The following NCR1 variants were observed in gnomAD, a reference collection of about 807,000 sequenced individuals.
The protein encoded by NCR1 is NK cell-activating receptor.
A neutral mutation model predicts 32.5 loss-of-function variants in NCR1; 30 were observed. That is an observed-to-expected ratio of 0.92 (90% CI 0.69 to 1.25). The LOEUF (loss-of-function observed/expected upper bound fraction) is 1.25, where lower values mean the gene tolerates loss of function less well. Among genes scored for constraint, NCR1 ranks in the 50% most tolerant of loss-of-function variants. The pLI is 0.00. For missense variants in NCR1, 369 were observed against 380.7 expected (o/e 0.97, Z 0.26); for synonymous variants, 169 against 143.4 (o/e 1.18, Z -1.28).
the NCR1 span, chr19:54,936,473 C>T: frequency 8.6e-6 from 13 of 1,515,300 alleles, no homozygotes; most frequent in Non-Finnish European, 9.2e-6. Context: ...GTGATTAATA[C>T]TCACATTGTG....
the NCR1 span, among the ~76,000 whole-genome samples, chr19:54,899,296 A>C: frequency 1.3e-5 from 2 of 152,122 alleles, no homozygotes; most frequent in East Asian, 3.9e-4. Context: ...TAAGGCATTT[A>C]GGTTTTAGGT....
the NCR1 span, among the ~76,000 whole-genome samples, chr19:54,933,118 G>A: frequency 3.3e-5 from 5 of 151,782 alleles, no homozygotes; most frequent in Admixed American, 3.3e-4. Context: ...ATATTAACAT[G>A]TTTCTACCTG....
chr19:54,903,451 T>C (rs976239998), upstream of NCR1, among the ~76,000 whole-genome samples: 49 of 106,736 alleles, frequency 4.6e-4, no homozygotes, highest in South Asian at 2.9e-3. Flanking sequence ...TGTATGTATA[T>C]ACATATATGT....
At chr19:54,904,137 A>G (rs1274541777), upstream of NCR1, among the ~76,000 whole-genome samples, 4 of 142,024 alleles carry the variant, frequency 2.8e-5, no homozygotes, top group Non-Finnish European at 6.2e-5. Context: ...AAAAAAAAAA[A>G]AAAAAAGAAA....
chr19:54,919,722 C>A (rs1329117486), downstream of NCR1, among the ~76,000 whole-genome samples: 2 of 147,434 alleles, frequency 1.4e-5, no homozygotes, highest in South Asian at 2.2e-4. Flanking sequence ...AGACCCCCCC[C>A]CCCACCCGCT....
chr19:54,899,861 C>T, the NCR1 span, among the ~76,000 whole-genome samples: 1,575 of 152,188 alleles, frequency 0.01, 31 homozygotes, highest in African/African-American at 0.036. Context: ...GCTGCCTTCC[C>T]GAGTCCATGA....
the NCR1 span, among the ~76,000 whole-genome samples, chr19:54,900,020 A>G: frequency 6.6e-6 from 1 of 152,188 alleles, no homozygotes; most frequent in South Asian, 2.1e-4. Context: ...AGAAGAGAGT[A>G]AAAAGAGGCT....
At chr19:54,921,155 C>T in the NCR1 span, among the ~76,000 whole-genome samples, 2 of 152,156 alleles carry the variant, frequency 1.3e-5, no homozygotes, top group African/African-American at 2.4e-5. Context: ...AAATTCTACA[C>T]GGGAACTTCA....
At chr19:54,924,713 A>G in the NCR1 span, among the ~76,000 whole-genome samples, 2 of 152,176 alleles carry the variant, frequency 1.3e-5, no homozygotes, top group South Asian at 4.1e-4. Flanking sequence ...AGGCGGGCAG[A>G]TCACCTGAGG....
chr19:54,912,221 A>T lies in NCR1; in HGVS notation c.733+3A>T. ...CACAGAGACGGGACTCCAGAAAGGTAAGTAGACAGCTGGGGCCATAGGCTC... is the reference window on the plus strand; with the variant it reads ...CACAGAGACGGGACTCCAGAAAGGTTAGTAGACAGCTGGGGCCATAGGCTC... On this transcript the variant is annotated splice_donor_region_variant and intron_variant, in intron 6 of 6. Transcript: ENST00000291890. 1 of 1,613,744 alleles carries T rather than the reference A, an allele frequency of 6.2e-7. No homozygotes were observed. The highest frequency in any genetic ancestry group is 8.5e-7 in the Non-Finnish European group (1 of 1,179,674).
At chr19:54,933,611 C>CA in the NCR1 span, 1 of 1,614,236 alleles carries the variant, frequency 6.2e-7, no homozygotes, top group South Asian at 1.1e-5. Flanking sequence ...CAAGCCCTCA[C>CA]ACAGAAACTT....
intron 5 of NCR1, among the ~76,000 whole-genome samples, chr19:54,910,772 G>A (rs1314222763): frequency 6.6e-6 from 1 of 152,108 alleles, no homozygotes; most frequent in East Asian, 1.9e-4. Flanking sequence ...AGACAAAGTA[G>A]AACAGACTTA....
chr19:54,914,409 G>T (rs566960364), downstream of NCR1, among the ~76,000 whole-genome samples: 6 of 152,080 alleles, frequency 3.9e-5, no homozygotes, highest in South Asian at 1.0e-3. Flanking sequence ...TGCAATCTTG[G>T]CTCACTGCCA....
chr19:54,901,737 G>A (rs371831169), upstream of NCR1, among the ~76,000 whole-genome samples: 18 of 152,332 alleles, frequency 1.2e-4, no homozygotes, highest in East Asian at 3.5e-3. Flanking sequence ...GGAGGCTGAG[G>A]CAGGTGGATC....
At chr19:54,936,175 G>A in the NCR1 span, 3 of 1,198,864 alleles carry the variant, frequency 2.5e-6, no homozygotes, top group Non-Finnish European at 3.7e-6. Context: ...ACGGCATCTG[G>A]AGTGGTTACC....
downstream of NCR1, among the ~76,000 whole-genome samples, chr19:54,920,390 C>T (rs74663905): frequency 0.011 from 1,626 of 152,262 alleles, 12 homozygotes; most frequent in South Asian, 0.025. Context: ...GTCCTTGCTA[C>T]GGACTGAATT....
chr19:54,935,721 T>C, the NCR1 span, among the ~76,000 whole-genome samples: 35 of 151,564 alleles, frequency 2.3e-4, no homozygotes, highest in South Asian at 6.7e-3. Flanking sequence ...AAGATTCTCA[T>C]TGAGTGCAGA....
chr19:54,905,259 G>C (rs1438922247), upstream of NCR1, among the ~76,000 whole-genome samples: 2 of 152,062 alleles, frequency 1.3e-5, no homozygotes, highest in East Asian at 3.9e-4. Flanking sequence ...GTTAATTTCT[G>C]GCTTTTCAGT....
At chr19:54,927,889 C>T in the NCR1 span, 266 of 872,570 alleles carry the variant, frequency 3.0e-4, no homozygotes, top group African/African-American at 3.4e-3. Context: ...GCCAGGTGTT[C>T]GAGACCAGCC....
Sources: gnomAD v4.1 joint callset for allele counts (sites outside exome capture counted in the v4.1 genomes callset) on GRCh38, gnomAD v4.1.1 for gene constraint, MANE v1.5 for transcripts, NCBI Gene and HGNC (gene_info 2026-07-23, HGNC 2026-07-21) for gene names.